Variants in ADARB2 observed in about 807,000 individuals in gnomAD.
ADARB2 encodes inactive double-stranded RNA-specific editase B2.
ADARB2 carries 25 observed loss-of-function variants against 62.2 expected under a neutral mutation model. The observed-to-expected ratio is 0.40, with a 90% CI of 0.29 to 0.56. The LOEUF (loss-of-function observed/expected upper bound fraction) is 0.56, where lower values mean the gene tolerates loss of function less well. ADARB2 is among the 20% of genes least tolerant of loss of function. ADARB2 has a pLI of 0.43. For synonymous variants in ADARB2, 572 were observed against 500.8 expected (o/e 1.14, Z -1.90); for missense variants, 1,071 against 1,077.4 (o/e 0.99, Z 0.08).
intron 2 of ADARB2, among the ~76,000 whole-genome samples, chr10:1,366,528 C>T (rs898575671): frequency 6.6e-6 from 1 of 152,126 alleles, no homozygotes; most frequent in Admixed American, 6.5e-5. Context: ...TTCCCATTGC[C>T]CCAGTCAGCC....
intron 1 of ADARB2, among the ~76,000 whole-genome samples, chr10:1,661,899 G>A (rs1834253492): frequency 6.6e-6 from 1 of 152,164 alleles, no homozygotes; most frequent in Non-Finnish European, 1.5e-5. Context: ...CACTGCTGCT[G>A]GGGAGGGAAA....
chr10:1,458,067 G>A (rs979378801), intron 1 of ADARB2, among the ~76,000 whole-genome samples: 2 of 152,082 alleles, frequency 1.3e-5, no homozygotes, highest in Non-Finnish European at 2.9e-5. Flanking sequence ...AAAGTCGCAG[G>A]TGATGGACAC....
intron 1 of ADARB2, among the ~76,000 whole-genome samples, chr10:1,483,144 T>C (rs1831497339): frequency 1.3e-5 from 2 of 152,222 alleles, no homozygotes; most frequent in South Asian, 4.1e-4. Flanking sequence ...ATGGTAAACA[T>C]TTTTATTTCT....
intron 1 of ADARB2, among the ~76,000 whole-genome samples, chr10:1,440,725 CTG>C (rs1264401058): frequency 1.3e-5 from 2 of 152,158 alleles, no homozygotes; most frequent in Admixed American, 6.5e-5. Flanking sequence ...CAAGTGTTAA[CTG>C]TAAAGTGGTT....
chr10:1,516,544 T>C (rs984044291), intron 1 of ADARB2, among the ~76,000 whole-genome samples: 1 of 151,930 alleles, frequency 6.6e-6, no homozygotes, highest in Non-Finnish European at 1.5e-5. Flanking sequence ...TGCTCTGCTC[T>C]GTGCGGGCTG....
intron 1 of ADARB2, among the ~76,000 whole-genome samples, chr10:1,668,803 G>A (rs1299603589): frequency 1.3e-5 from 2 of 152,220 alleles, no homozygotes; most frequent in Non-Finnish European, 2.9e-5. Context: ...CTGTTCGAGA[G>A]CTTTCTTTCT....
At chr10:1,697,996 A>G (rs1834768913) in intron 1 of ADARB2, among the ~76,000 whole-genome samples, 1 of 152,192 alleles carries the variant, frequency 6.6e-6, no homozygotes, top group Admixed American at 6.5e-5. Flanking sequence ...AAACAATAAT[A>G]CGCGACTTTC....
chr10:1,615,293 T>C (rs542453691), intron 1 of ADARB2, among the ~76,000 whole-genome samples: 2 of 152,278 alleles, frequency 1.3e-5, no homozygotes, highest in South Asian at 4.1e-4. Context: ...CGCCCTGCCA[T>C]GCTGTGCTCA....
In ADARB2 at chr10:1,398,778, G is replaced by A. The variant is rs562149154; in HGVS notation, c.101-19618C>T. The stretch of plus-strand genomic sequence containing the variant: ...CGGCTCTGCGTGGATTGGCGTGCCC[G>A]TTTACCTGAGAGGCCAGGTTCACAT... On this transcript the variant is annotated intron_variant, in intron 1 of 9. Coordinates refer to ENST00000381312, the MANE Select transcript of ADARB2 (RefSeq NM_018702.4). The surrounding 1 kb of genome is among the most constrained non-coding windows in gnomAD (Gnocchi z 4.1). 5.9e-5 allele frequency among the ~76,000 whole-genome samples: 9 copies of A among 152,288 alleles called. No individual in the cohort carries two copies. The South Asian group carries it at 1.2e-3, about 21-fold the overall frequency.
In ADARB2 at chr10:1,736,876, C is replaced by T. The variant is rs1835308768; in HGVS notation, c.100+175G>A. Among the ~76,000 whole-genome samples, 3 of 152,346 alleles carry T rather than the reference C, an allele frequency of 2.0e-5. No homozygotes were observed. In the South Asian group the frequency reaches 6.2e-4, roughly 32 times the overall value. On this transcript the variant is annotated intron_variant, in intron 1 of 9. Transcript: ENST00000381312. The stretch of plus-strand genomic sequence containing the variant: ...CTGTCCCCTCTGGGCAAGAGGAGGC[C>T]CCAGACATTTCCACGGGATCTGAAC...
At chr10:1,339,334 G>A (rs563403090) in intron 3 of ADARB2, among the ~76,000 whole-genome samples, 102 of 152,328 alleles carry the variant, frequency 6.7e-4, no homozygotes, top group African/African-American at 2.4e-3. Context: ...GAAGTCTACG[G>A]GACTAAGGAG....
intron 1 of ADARB2, among the ~76,000 whole-genome samples, chr10:1,472,861 G>A (rs974598372): frequency 2.0e-5 from 3 of 152,156 alleles, no homozygotes; most frequent in Non-Finnish European, 2.9e-5. Flanking sequence ...GGAGTGTCGG[G>A]TGCCATCAGG....
At position 1,534,042 on chromosome 10, in the gene ADARB2, GGAGAGA is replaced by G. The variant is rs143736259; in HGVS notation, c.101-154888_101-154883del. ...TGACTTTGATGGGGGAGGGAGGGAG[GGAGAGA>G]GAGAGAGAGAGAGAGATTGATTTAG... On this transcript the variant is annotated intron_variant, in intron 1 of 9. Coordinates refer to ENST00000381312, the MANE Select transcript of ADARB2 (RefSeq NM_018702.4). Among the ~76,000 whole-genome samples, 618 of 148,190 alleles carry G rather than the reference GGAGAGA, an allele frequency of 4.2e-3. 6 individuals are homozygous for G. The highest frequency in any genetic ancestry group is 0.038 in the South Asian group (179 of 4,652).
chr10:1,736,202 CTT>C (rs1418293517), intron 1 of ADARB2, among the ~76,000 whole-genome samples: 2 of 152,222 alleles, frequency 1.3e-5, no homozygotes, highest in Non-Finnish European at 2.9e-5. Flanking sequence ...TGAGAAGAAT[CTT>C]TTAATTCTTC....
chr10:1,722,609 T>C (rs937794100), intron 1 of ADARB2, among the ~76,000 whole-genome samples: 1 of 152,216 alleles, frequency 6.6e-6, no homozygotes, highest in African/African-American at 2.4e-5. Flanking sequence ...CTGTATTTCA[T>C]TCCGTTTCTT....
At chr10:1,725,379 T>G (rs1419063706) in intron 1 of ADARB2, among the ~76,000 whole-genome samples, 1 of 152,224 alleles carries the variant, frequency 6.6e-6, no homozygotes, top group South Asian at 2.1e-4. Context: ...GAGCCCAGAC[T>G]AGAATGTCAT....
At chr10:1,551,346 C>G (rs938805524) in intron 1 of ADARB2, among the ~76,000 whole-genome samples, 2 of 152,168 alleles carry the variant, frequency 1.3e-5, no homozygotes, top group Non-Finnish European at 2.9e-5. Flanking sequence ...CTTATAGGAG[C>G]CAGCTAAATT....
intron 7 of ADARB2, among the ~76,000 whole-genome samples, chr10:1,209,583 T>C (rs1268486367): frequency 7.8e-6 from 1 of 128,846 alleles, no homozygotes; most frequent in Non-Finnish European, 1.6e-5. Flanking sequence ...ACCCACACTC[T>C]CACCATCACC....
chr10:1,451,318 T>C (rs72762997), intron 1 of ADARB2, among the ~76,000 whole-genome samples: 14,257 of 152,276 alleles, frequency 0.094, 863 homozygotes, highest in Non-Finnish European at 0.14. Flanking sequence ...GTTTATCCTC[T>C]GGAGGGAGCA....
Sources: allele counts gnomAD v4.1 joint callset (sites outside exome capture counted in the v4.1 genomes callset), GRCh38; gene constraint gnomAD v4.1.1; non-coding constraint Gnocchi (gnomAD v3.1); transcripts MANE v1.5; gene names NCBI Gene and HGNC (gene_info 2026-07-23, HGNC 2026-07-21).